The following TRANK1 variants were observed in gnomAD, a reference collection of about 807,000 sequenced individuals.
TRANK1 encodes TPR and ankyrin repeat-containing protein 1.
TRANK1 carries 198 observed loss-of-function variants against 266.0 expected under a neutral mutation model. That is an observed-to-expected ratio of 0.74 (90% CI 0.66 to 0.84). The LOEUF is 0.84. TRANK1 is among the 40% of genes least tolerant of loss of function. The pLI, the probability that TRANK1 is intolerant of heterozygous loss-of-function variation, is 0.00. For synonymous variants in TRANK1, 1,396 were observed against 1,384.1 expected (o/e 1.01, Z -0.19); for missense variants, 3,326 against 3,634.6 (o/e 0.92, Z 2.18).
intron 15 of TRANK1, chr3:36,850,473 C>T (rs1559425605): frequency 2.0e-6 from 2 of 985,248 alleles, no homozygotes; most frequent in Non-Finnish European, 2.4e-6. Flanking sequence ...ATCTCAGTGA[C>T]CTTCTGCTTT....
chr3:36,876,937 T>C (rs2079398426), intron 8 of TRANK1, among the ~76,000 whole-genome samples: 1 of 152,158 alleles, frequency 6.6e-6, no homozygotes, highest in Non-Finnish European at 1.5e-5. Flanking sequence ...CTCTGGTGAG[T>C]TCCTGAGCCT....
At chr3:36,945,465 T>C (rs2080559979), upstream of TRANK1, among the ~76,000 whole-genome samples, 1 of 152,140 alleles carries the variant, frequency 6.6e-6, no homozygotes, top group South Asian at 2.1e-4. Context: ...GTACTTACTG[T>C]GTGCTTGCCC....
At chr3:36,896,469 A>G (rs1004125442) in intron 4 of TRANK1, among the ~76,000 whole-genome samples, 4 of 152,344 alleles carry the variant, frequency 2.6e-5, no homozygotes, top group African/African-American at 9.6e-5. Flanking sequence ...TTTCCCATAA[A>G]TATGTTTTTC....
chr3:36,831,428 T>G lies in TRANK1; in HGVS notation c.8155A>C (p.Ile2719Leu). Reference sequence around the variant, plus strand: ...CATGCCCTCCTCAACTTCCGCTGTATGGAGGCCTTCCGTTGCTTTTGGGAA... The same window carrying G: ...CATGCCCTCCTCAACTTCCGCTGTAGGGAGGCCTTCCGTTGCTTTTGGGAA... Reference protein sequence around the residue: ...ILSQKQRKASIQRKLRRACLV... With the variant: ...ILSQKQRKASLQRKLRRACLV... Residue 2719 changes from isoleucine to leucine, a missense_variant, in exon 22 of 24, where the codon ATA becomes CTA. Physicochemically the swap from Ile to Leu is conservative, Grantham distance 5. Transcript: ENST00000645898. This position sits in a 1 kb window ranked among gnomAD's most constrained non-coding sequence, Gnocchi z 5.0. 6.2e-7 allele frequency: 1 copy of G among 1,613,160 alleles called. No individual in the cohort carries two copies. Among genetic ancestry groups the G allele is most frequent in the Non-Finnish European group, 8.5e-7 (1 of 1,179,588 alleles).
rs1455435087 is a variant in TRANK1 at position 36,856,734 on chromosome 3, A to G, written c.2988T>C (p.Tyr996=). ...CCTTCTCGGCCTCTGTGTCCTCCACATAGCAGCGAGGTATACGCTTTTGAA... is the reference window on the plus strand; with the variant it reads ...CCTTCTCGGCCTCTGTGTCCTCCACGTAGCAGCGAGGTATACGCTTTTGAA... ...MKIQKRIPRC[Y]VEDTEAEKGR... Residue 996 remains tyrosine (Y), a synonymous_variant, in exon 13 of 24, where the codon TAT becomes TAC. Coordinates refer to ENST00000645898, the MANE Select transcript of TRANK1 (RefSeq NM_001329998.2). 2.5e-6 allele frequency: 4 copies of G among 1,613,936 alleles called. No individual in the cohort carries two copies. In the African/African-American group the frequency reaches 5.3e-5, roughly 22 times the overall value.
At chr3:36,913,518 TTC>T (rs1304985939) in intron 1 of TRANK1, among the ~76,000 whole-genome samples, 10 of 151,950 alleles carry the variant, frequency 6.6e-5, no homozygotes, top group Admixed American at 3.9e-4. Context: ...CTCTCTTTCT[TTC>T]TCTCTCTCTT....
intron 2 of TRANK1, among the ~76,000 whole-genome samples, chr3:36,906,759 C>G (rs989819726): frequency 1.3e-5 from 2 of 152,184 alleles, no homozygotes; most frequent in Admixed American, 6.5e-5. Context: ...CCTTCTCCCC[C>G]TCAGAGCCTC....
Position 36,906,777 on chromosome 3 carries a change from A to G in TRANK1, c.155+1546T>C, listed in dbSNP as rs2079974876. Among the ~76,000 whole-genome samples, 3 of 152,216 alleles carry G rather than the reference A, an allele frequency of 2.0e-5. No individual in the cohort carries two copies. The South Asian group carries it at 6.2e-4, about 32-fold the overall frequency. ...TCTCCCCCTCAGAGCCTCCACAAAGAACCAGCCCTGCTAACACCTTGATTT... is the reference window on the plus strand; with the variant it reads ...TCTCCCCCTCAGAGCCTCCACAAAGGACCAGCCCTGCTAACACCTTGATTT... On this transcript the variant is annotated intron_variant, in intron 2 of 23. Transcript: ENST00000645898.
chr3:36,838,025 G>A (rs1391634037), intron 20 of TRANK1, among the ~76,000 whole-genome samples: 3 of 152,312 alleles, frequency 2.0e-5, no homozygotes, highest in South Asian at 2.1e-4. Context: ...CTCAGCCAAG[G>A]TGACTGAAGA....
intron 20 of TRANK1, among the ~76,000 whole-genome samples, chr3:36,837,665 A>G (rs1432159164): frequency 6.6e-6 from 1 of 152,234 alleles, no homozygotes; most frequent in East Asian, 1.9e-4. Context: ...TTGGATGTCA[A>G]AGCAATGCCA....
At chr3:36,879,635 TA>T (rs1318545232) in intron 8 of TRANK1, among the ~76,000 whole-genome samples, 4 of 78,880 alleles carry the variant, frequency 5.1e-5, no homozygotes, top group African/African-American at 6.8e-5. Flanking sequence ...TAAATATATA[TA>T]AATATACAAA....
At chr3:36,842,564 C>A in intron 18 of TRANK1, 58 bp downstream of exon 18, 4 of 1,473,832 alleles carry the variant, frequency 2.7e-6, no homozygotes, top group Non-Finnish European at 3.8e-6. Context: ...GTGAAACCTG[C>A]CTGTGAGGTC....
At chr3:36,869,342 G>A (rs975980526) in intron 9 of TRANK1, among the ~76,000 whole-genome samples, 14 of 152,306 alleles carry the variant, frequency 9.2e-5, no homozygotes, top group African/African-American at 3.4e-4. Flanking sequence ...TAAGAGATAA[G>A]GACCACTGTT....
intron 1 of TRANK1, among the ~76,000 whole-genome samples, chr3:36,926,917 G>A (rs1016401665): frequency 6.6e-6 from 1 of 152,050 alleles, no homozygotes; most frequent in African/African-American, 2.4e-5. Flanking sequence ...GTCAGGCCAG[G>A]CCCCACTTCT....
At chr3:36,923,282 T>C (rs986878110) in intron 1 of TRANK1, among the ~76,000 whole-genome samples, 13 of 143,674 alleles carry the variant, frequency 9.0e-5, no homozygotes, top group Admixed American at 2.9e-4. Flanking sequence ...TGAGGTGGAG[T>C]CCCGCTCCAG....
chr3:36,889,333 A>G (rs1003725504), intron 8 of TRANK1, among the ~76,000 whole-genome samples: 2 of 152,212 alleles, frequency 1.3e-5, no homozygotes, highest in African/African-American at 4.8e-5. Flanking sequence ...CACCGGTGTC[A>G]GAAGAACCAG....
Position 36,833,568 on chromosome 3 carries a change from G to A in TRANK1, c.6015C>T (p.Asp2005=). 1.9e-6 allele frequency: 3 copies of A among 1,613,926 alleles called. No homozygotes were observed. The South Asian group carries it at 3.3e-5, about 18-fold the overall frequency. The change falls in exon 22 of 24, where the codon GAC becomes GAT. Residue 2005 remains aspartate, a synonymous_variant. Transcript: ENST00000645898. The part of the protein sequence containing the change: ...AARLNVARDS[D]IEHTKDILRE... The stretch of plus-strand genomic sequence containing the variant: ...TCAGAATGTCCTTGGTGTGTTCTAT[G>A]TCGGAATCCCTGGCCACATTGAGGC...
At chr3:36,882,160 T>C (rs1290203385) in intron 8 of TRANK1, among the ~76,000 whole-genome samples, 1 of 152,242 alleles carries the variant, frequency 6.6e-6, no homozygotes, top group Non-Finnish European at 1.5e-5. Flanking sequence ...ACTGTCAAAC[T>C]GTTTTCCAAA....
chr3:36,858,919 C>T, intron 11 of TRANK1, 25 bp from the exon 12 acceptor site: 1 of 1,520,052 alleles, frequency 6.6e-7, no homozygotes, highest in Non-Finnish European at 8.8e-7. Flanking sequence ...AAGGGAAGCG[C>T]AATGTGAGCA....
Sources: allele counts gnomAD v4.1 joint callset (sites outside exome capture counted in the v4.1 genomes callset), GRCh38; gene constraint gnomAD v4.1.1; non-coding constraint Gnocchi (gnomAD v3.1); transcripts MANE v1.5; gene names NCBI Gene and HGNC (gene_info 2026-07-23, HGNC 2026-07-21).